The following FRMD8 variants were observed in gnomAD, a reference collection of about 807,000 sequenced individuals.
FRMD8 encodes FERM domain-containing protein 8.
FRMD8 carries 37 observed loss-of-function variants against 54.2 expected under a neutral mutation model. The observed-to-expected ratio is 0.68, with a 90% CI of 0.53 to 0.90. The LOEUF is 0.90. FRMD8 is among the 40% of genes least tolerant of loss of function. The probability of loss-of-function intolerance (pLI) is 0.00; values close to 1 mark genes in which losing one functional copy is unlikely to be tolerated. For synonymous variants in FRMD8, 246 were observed against 286.9 expected (o/e 0.86, Z 1.44); for missense variants, 585 against 653.7 (o/e 0.89, Z 1.15).
At chr11:65,379,016 G>T in the FRMD8 span, 1 of 287,750 alleles carries the variant, frequency 3.5e-6, no homozygotes, top group Non-Finnish European at 6.7e-6. Context: ...ACAGCTCTGC[G>T]GGGTGCTGGT....
intron 10 of FRMD8, among the ~76,000 whole-genome samples, chr11:65,410,526 C>CA (rs1856306656): frequency 1.3e-5 from 2 of 151,592 alleles, no homozygotes; most frequent in South Asian, 4.2e-4. Flanking sequence ...CGCAGTGGCT[C>CA]ACGCCTGTAA....
At chr11:65,399,976 G>C (rs1856037817) in intron 8 of FRMD8, 117 bp downstream of exon 8, 3 of 1,266,374 alleles carry the variant, frequency 2.4e-6, no homozygotes, top group Non-Finnish European at 3.3e-6. Context: ...CTGTCTGGGA[G>C]GGACCCTGCC....
chr11:65,387,683 C>T (rs973807449), intron 2 of FRMD8, among the ~76,000 whole-genome samples: 3 of 152,070 alleles, frequency 2.0e-5, no homozygotes, highest in Non-Finnish European at 2.9e-5. Context: ...GGACTACAGG[C>T]GCCCGCCACC....
chr11:65,376,329 C>T, the FRMD8 span: 1 of 1,533,980 alleles, frequency 6.5e-7, no homozygotes, highest in East Asian at 2.3e-5. Flanking sequence ...GATTTGCAAG[C>T]TTTCAACCTG....
At chr11:65,408,126 G>A (rs1413164028) in intron 10 of FRMD8, among the ~76,000 whole-genome samples, 2 of 150,028 alleles carry the variant, frequency 1.3e-5, no homozygotes, top group Non-Finnish European at 3.0e-5. Context: ...CCAGGCTGGA[G>A]TGAAATGGTG....
At chr11:65,395,563 C>T (rs1321423829) in intron 6 of FRMD8, among the ~76,000 whole-genome samples, 1 of 152,040 alleles carries the variant, frequency 6.6e-6, no homozygotes, top group East Asian at 1.9e-4. Flanking sequence ...AAGGACTGAG[C>T]GCTCCAACTG....
At chr11:65,395,120 A>G (rs1245309813) in intron 6 of FRMD8, among the ~76,000 whole-genome samples, 1 of 152,002 alleles carries the variant, frequency 6.6e-6, no homozygotes, top group Non-Finnish European at 1.5e-5. Flanking sequence ...GGTGGCACAC[A>G]CCTGTAATCC....
chr11:65,377,238 C>T, the FRMD8 span: 17 of 1,432,888 alleles, frequency 1.2e-5, no homozygotes, highest in Non-Finnish European at 1.5e-5. Flanking sequence ...CTGGGATGGC[C>T]AGGATGTCTG....
upstream of FRMD8, chr11:65,383,720 T>C (rs1420246975): frequency 8.1e-6 from 1 of 123,606 alleles, no homozygotes; most frequent in African/African-American, 3.1e-5. Flanking sequence ...ATCATGCCAC[T>C]ATACTCCAGC....
intron 1 of FRMD8, 39 bp from the exon 2 acceptor site, chr11:65,386,998 C>G (rs749869924): frequency 6.3e-7 from 1 of 1,577,246 alleles, no homozygotes; most frequent in Non-Finnish European, 8.6e-7. Context: ...CCCCCCATCC[C>G]TGGCTCCCGG....
the FRMD8 span, chr11:65,380,313 C>A: frequency 7.6e-7 from 1 of 1,309,180 alleles, no homozygotes; most frequent in South Asian, 1.3e-5. Context: ...CACCTTCCTG[C>A]CAAGCTCTAG....
chr11:65,376,805 C>A, the FRMD8 span: 1 of 1,614,238 alleles, frequency 6.2e-7, no homozygotes, highest in Non-Finnish European at 8.5e-7. Flanking sequence ...TCCTCTCACG[C>A]CACTTTACTT....
chr11:65,377,379 G>T, the FRMD8 span: 2 of 1,240,672 alleles, frequency 1.6e-6, no homozygotes, highest in Non-Finnish European at 2.0e-6. Context: ...CTTTTTGCAG[G>T]AGCAGGTTGG....
chr11:65,387,035 A>G lies in FRMD8; in HGVS notation c.1-2A>G. 1 of 1,608,486 alleles carries G rather than the reference A, an allele frequency of 6.2e-7. No homozygotes were observed. The highest frequency in any genetic ancestry group is 8.5e-7 in the Non-Finnish European group (1 of 1,179,306). Reference sequence around the variant, plus strand: ...AACTGCTGTTTCTCTTTGCCTTTGCAGATGGACGGGACAGAAGGCAGTGCC... The same window carrying G: ...AACTGCTGTTTCTCTTTGCCTTTGCGGATGGACGGGACAGAAGGCAGTGCC... On this transcript the variant is annotated splice_acceptor_variant, in intron 1 of 10. Coordinates refer to ENST00000317568, the MANE Select transcript of FRMD8 (RefSeq NM_031904.5). LOFTEE classifies it low-confidence loss of function (5UTR_SPLICE).
chr11:65,380,382 G>A, the FRMD8 span: 1 of 926,732 alleles, frequency 1.1e-6, no homozygotes, highest in Non-Finnish European at 1.6e-6. Flanking sequence ...AAGGCACTGG[G>A]ACAAGGGACT....
intron 7 of FRMD8, among the ~76,000 whole-genome samples, chr11:65,398,703 C>T (rs1856006704): frequency 6.6e-6 from 1 of 152,174 alleles, no homozygotes; most frequent in African/African-American, 2.4e-5. Flanking sequence ...GGTGACAGCC[C>T]ATGTGTGCTG....
chr11:65,384,774 G>A (rs566462287), upstream of FRMD8, among the ~76,000 whole-genome samples: 5 of 152,184 alleles, frequency 3.3e-5, no homozygotes, highest in Non-Finnish European at 5.9e-5. Context: ...GCAGGATGGC[G>A]CTATCAGAGC....
chr11:65,376,790 C>T, the FRMD8 span: 1 of 1,614,218 alleles, frequency 6.2e-7, no homozygotes, highest in South Asian at 1.1e-5. Flanking sequence ...CACCTCTGTC[C>T]CCCATCCTCT....
Position 65,411,323 on chromosome 11 carries a change from CCGTGGTG to C in FRMD8, c.1360_1366del (p.Val454SerfsTer30). 1 of 1,607,138 alleles carries C rather than the reference CCGTGGTG, an allele frequency of 6.2e-7. No individual in the cohort carries two copies. Among genetic ancestry groups the C allele is most frequent in the Non-Finnish European group, 8.5e-7 (1 of 1,178,128 alleles). On this transcript the variant is annotated frameshift_variant, in exon 11 of 11. Transcript: ENST00000317568. LOFTEE classifies it high-confidence loss of function. Reference sequence around the variant, plus strand: ...CTGTCCTTGGGCCAGGGGAGCTACACCGTGGTGCAGCCCGGCGACAGCCTGGAGCAGG... The same window carrying C: ...CTGTCCTTGGGCCAGGGGAGCTACACCAGCCCGGCGACAGCCTGGAGCAGG...
Sources: gnomAD v4.1 joint callset for allele counts (sites outside exome capture counted in the v4.1 genomes callset) on GRCh38, gnomAD v4.1.1 for gene constraint, MANE v1.5 for transcripts, NCBI Gene and HGNC (gene_info 2026-07-23, HGNC 2026-07-21) for gene names.